The following ARHGEF38 variants were observed in gnomAD, a reference collection of about 807,000 sequenced individuals.
ARHGEF38 encodes Rho guanine nucleotide exchange factor (GEF) 38.
Under a neutral mutation model 79.9 loss-of-function variants are expected in ARHGEF38, and 79 were observed. That is an observed-to-expected ratio of 0.99 (90% CI 0.82 to 1.19). ARHGEF38 has a LOEUF of 1.19. Among genes scored for constraint, ARHGEF38 ranks in the 50% most tolerant of loss-of-function variants. ARHGEF38 has a pLI of 0.00. For missense variants in ARHGEF38, 962 were observed against 907.2 expected (o/e 1.06, Z -0.78); for synonymous variants, 366 against 328.3 (o/e 1.11, Z -1.24).
chr4:105,568,944 A>G (rs113193919), intron 1 of ARHGEF38, among the ~76,000 whole-genome samples: 4,467 of 152,332 alleles, frequency 0.029, 238 homozygotes, highest in African/African-American at 0.1. Flanking sequence ...AGCTTGGTAT[A>G]TGAAATTATT....
chr4:105,627,927 T>C (rs1729015598), intron 3 of ARHGEF38, among the ~76,000 whole-genome samples: 1 of 152,196 alleles, frequency 6.6e-6, no homozygotes, highest in African/African-American at 2.4e-5. Context: ...AGTGTTGTAC[T>C]TGGCCTTTGG....
At chr4:105,645,086 AAAG>A in intron 5 of ARHGEF38, 99 bp from the exon 6 acceptor site, 1 of 935,960 alleles carries the variant, frequency 1.1e-6, no homozygotes, top group Non-Finnish European at 1.4e-6. Context: ...CAAATGAAAA[AAAG>A]AGAAAATGTT....
chr4:105,673,507 C>G (rs1381322842), intron 13 of ARHGEF38, among the ~76,000 whole-genome samples: 1 of 152,118 alleles, frequency 6.6e-6, no homozygotes, highest in African/African-American at 2.4e-5. Context: ...TTTCCAGCTA[C>G]CTATGATGAT....
chr4:105,586,225 T>C (rs1727040267), intron 1 of ARHGEF38, among the ~76,000 whole-genome samples: 1 of 113,042 alleles, frequency 8.8e-6, no homozygotes, highest in Non-Finnish European at 1.9e-5. Flanking sequence ...GCAGAGTTTG[T>C]TGGTTTAAGA....
intron 1 of ARHGEF38, among the ~76,000 whole-genome samples, chr4:105,561,424 G>GAA (rs1725542761): frequency 7.5e-5 from 4 of 53,010 alleles, no homozygotes; most frequent in Non-Finnish European, 1.1e-4. Flanking sequence ...AGAATAGAAT[G>GAA]GAATAGAATA....
At chr4:105,584,097 C>T (rs1017275117) in intron 1 of ARHGEF38, among the ~76,000 whole-genome samples, 2 of 152,156 alleles carry the variant, frequency 1.3e-5, no homozygotes, top group African/African-American at 4.8e-5. Flanking sequence ...ACTGTGCAGA[C>T]AACAGCAGTG....
chr4:105,633,989 G>C (rs1318906407), intron 4 of ARHGEF38, among the ~76,000 whole-genome samples: 1 of 152,150 alleles, frequency 6.6e-6, no homozygotes, highest in African/African-American at 2.4e-5. Context: ...TCTTTCAAAA[G>C]AGAGAATAAT....
intron 3 of ARHGEF38, among the ~76,000 whole-genome samples, chr4:105,628,503 C>G (rs1260265178): frequency 2.0e-5 from 3 of 152,172 alleles, no homozygotes; most frequent in African/African-American, 7.2e-5. Flanking sequence ...CTTGATAGCT[C>G]TTACTGTTTG....
At chr4:105,677,235 T>G (rs1335041152) in intron 13 of ARHGEF38, among the ~76,000 whole-genome samples, 2 of 152,164 alleles carry the variant, frequency 1.3e-5, no homozygotes, top group Non-Finnish European at 2.9e-5. Flanking sequence ...AGTGCTGGGA[T>G]TACAGGCGTG....
intron 2 of ARHGEF38, among the ~76,000 whole-genome samples, chr4:105,593,803 T>C (rs532679426): frequency 1.3e-5 from 2 of 152,302 alleles, no homozygotes; most frequent in East Asian, 1.9e-4. Context: ...TGGCTTCCTA[T>C]GAAACTCTTA....
intron 1 of ARHGEF38, among the ~76,000 whole-genome samples, chr4:105,572,150 GAGA>G (rs1453149537): frequency 4.7e-5 from 7 of 149,448 alleles, no homozygotes; most frequent in Non-Finnish European, 1.0e-4. Flanking sequence ...TTTTTAAGAA[GAGA>G]AGATCTGTTT....
chr4:105,584,886 C>G (rs1295560460), intron 1 of ARHGEF38, among the ~76,000 whole-genome samples: 1 of 152,146 alleles, frequency 6.6e-6, no homozygotes, highest in East Asian at 1.9e-4. Context: ...CCCAACACCC[C>G]TTTGCCTTTG....
chr4:105,662,107 G>C (rs536508019), intron 10 of ARHGEF38, among the ~76,000 whole-genome samples: 168 of 152,078 alleles, frequency 1.1e-3, no homozygotes, highest in Non-Finnish European at 1.4e-3. Flanking sequence ...GGTTTCTCTG[G>C]ATTTTTGCCA....
intron 2 of ARHGEF38, among the ~76,000 whole-genome samples, chr4:105,609,147 C>A (rs144822052): frequency 6.6e-5 from 10 of 151,996 alleles, no homozygotes; most frequent in South Asian, 2.1e-4. Flanking sequence ...TCAGGTCTTA[C>A]GTTTAAGTCT....
chr4:105,564,460 A>C (rs1725790660), intron 1 of ARHGEF38, among the ~76,000 whole-genome samples: 1 of 152,176 alleles, frequency 6.6e-6, no homozygotes, highest in Admixed American at 6.5e-5. Flanking sequence ...ATAGGGACAA[A>C]AAGTAGAATG....
At chr4:105,647,510 G>A (rs1364760446) in intron 6 of ARHGEF38, among the ~76,000 whole-genome samples, 74 of 151,654 alleles carry the variant, frequency 4.9e-4, no homozygotes, top group South Asian at 1.5e-3. Flanking sequence ...CTTGCTGTTA[G>A]AAAAAAAATA....
At chr4:105,560,012 G>T (rs1725439423) in intron 1 of ARHGEF38, among the ~76,000 whole-genome samples, 1 of 152,084 alleles carries the variant, frequency 6.6e-6, no homozygotes. Context: ...TTTGCAAAAT[G>T]GAATGAATTT....
At chr4:105,663,439 C>T (rs1730634411) in intron 10 of ARHGEF38, among the ~76,000 whole-genome samples, 1 of 152,070 alleles carries the variant, frequency 6.6e-6, no homozygotes, top group Non-Finnish European at 1.5e-5. Flanking sequence ...AAAACTGAAA[C>T]TATACTCATT....
At chr4:105,613,071 G>C (rs982589412) in intron 2 of ARHGEF38, among the ~76,000 whole-genome samples, 10 of 152,062 alleles carry the variant, frequency 6.6e-5, no homozygotes, top group Non-Finnish European at 1.0e-4. Flanking sequence ...TTACACACTA[G>C]TACATATCCT....
Sources: gnomAD v4.1 joint callset for allele counts (sites outside exome capture counted in the v4.1 genomes callset) on GRCh38, gnomAD v4.1.1 for gene constraint, MANE v1.5 for transcripts, NCBI Gene and HGNC (gene_info 2026-07-23, HGNC 2026-07-21) for gene names.